Variants in MAGI1 observed in about 807,000 individuals in gnomAD.
MAGI1 encodes membrane-associated guanylate kinase, WW and PDZ domain-containing protein 1.
In MAGI1, 58 loss-of-function variants were observed where a neutral mutation model predicts 139.9. The ratio of observed to expected loss-of-function variants is 0.41; its 90% CI spans 0.34 to 0.52. MAGI1 has a LOEUF of 0.52. Among genes scored for constraint, MAGI1 ranks in the 20% least tolerant of loss-of-function variants. The probability of loss-of-function intolerance (pLI) is 0.12; values close to 1 mark genes in which losing one functional copy is unlikely to be tolerated. For missense variants in MAGI1, 1,874 were observed against 1,901.6 expected (o/e 0.99, Z 0.27); for synonymous variants, 812 against 737.9 (o/e 1.10, Z -1.63).
intron 2 of MAGI1, among the ~76,000 whole-genome samples, chr3:65,566,726 G>A (rs960562665): frequency 6.6e-6 from 1 of 152,134 alleles, no homozygotes; most frequent in Non-Finnish European, 1.5e-5. Context: ...ATTTTTAAAT[G>A]TATTTTTAAA....
At chr3:65,394,162 AC>A (rs1015214988) in intron 13 of MAGI1, among the ~76,000 whole-genome samples, 186 of 152,316 alleles carry the variant, frequency 1.2e-3, no homozygotes, top group African/African-American at 4.3e-3. Context: ...CTTACATTTA[AC>A]TGAAGAGATG....
chr3:65,863,842 C>T (rs1269621161), intron 1 of MAGI1, among the ~76,000 whole-genome samples: 1 of 152,070 alleles, frequency 6.6e-6, no homozygotes, highest in Non-Finnish European at 1.5e-5. Context: ...TTTTCCTACC[C>T]CAATTCTACC....
Position 65,875,267 on chromosome 3 carries a change from G to C in MAGI1, c.313+162729C>G, listed in dbSNP as rs565402564. Among the ~76,000 whole-genome samples the C allele has an allele frequency of 8.5e-5, 13 of 152,284 alleles. No individual in the cohort carries two copies. The South Asian group carries it at 2.7e-3, about 32-fold the overall frequency. On this transcript the variant is annotated intron_variant, in intron 1 of 22. Transcript: ENST00000402939. ...AGGGGAGTGATACAGAAAAGGTAAAGGGTTTGTTGTTGAGATGATGAAAAT... is the reference window on the plus strand; with the variant it reads ...AGGGGAGTGATACAGAAAAGGTAAACGGTTTGTTGTTGAGATGATGAAAAT...
chr3:65,801,465 A>C (rs2040508347), intron 1 of MAGI1, among the ~76,000 whole-genome samples: 1 of 152,208 alleles, frequency 6.6e-6, no homozygotes, highest in African/African-American at 2.4e-5. Context: ...CCAAATTTAG[A>C]GATGAATAAC....
At chr3:65,874,523 G>A (rs1239906156) in intron 1 of MAGI1, 2 of 152,058 alleles carry the variant, frequency 1.3e-5, no homozygotes, top group Non-Finnish European at 2.9e-5. Context: ...TTAAGAGATG[G>A]GCAACATCAT....
intron 1 of MAGI1, among the ~76,000 whole-genome samples, chr3:65,933,389 G>C (rs540692522): frequency 1.3e-5 from 2 of 152,182 alleles, no homozygotes; most frequent in African/African-American, 2.4e-5. Flanking sequence ...TAATATGGCT[G>C]CTGATGAGAG....
chr3:65,902,485 G>A (rs2061271693), intron 1 of MAGI1: 1 of 152,550 alleles, frequency 6.6e-6, no homozygotes, highest in Admixed American at 6.5e-5. Flanking sequence ...CGTATGTAAA[G>A]TAAGCTCCTA....
At chr3:66,024,445 C>T (rs1559505057) in intron 1 of MAGI1, among the ~76,000 whole-genome samples, 1 of 151,990 alleles carries the variant, frequency 6.6e-6, no homozygotes, top group Non-Finnish European at 1.5e-5. Flanking sequence ...CAGCTTTTCC[C>T]ATTGAACAGA....
intron 12 of MAGI1, among the ~76,000 whole-genome samples, chr3:65,420,594 C>T (rs186356329): frequency 7.2e-5 from 11 of 152,196 alleles, no homozygotes; most frequent in Middle Eastern, 3.4e-3. Context: ...ATGACAGGCA[C>T]GTGATGTTAA....
At chr3:65,666,387 C>T (rs1391584214) in intron 1 of MAGI1, among the ~76,000 whole-genome samples, 1 of 152,124 alleles carries the variant, frequency 6.6e-6, no homozygotes, top group Non-Finnish European at 1.5e-5. Flanking sequence ...CCCCAGATGT[C>T]CAACAATCTT....
At chr3:65,450,713 C>T (rs1455953058) in intron 6 of MAGI1, among the ~76,000 whole-genome samples, 1 of 152,130 alleles carries the variant, frequency 6.6e-6, no homozygotes, top group African/African-American at 2.4e-5. Flanking sequence ...GAGTCATTCA[C>T]TAACATCAAA....
intron 1 of MAGI1, among the ~76,000 whole-genome samples, chr3:65,945,528 G>C (rs1053799099): frequency 2.1e-5 from 2 of 95,258 alleles, no homozygotes; most frequent in African/African-American, 5.5e-5. Context: ...GGTAGACAAG[G>C]GTGAAAAACT....
At chr3:65,697,233 T>C (rs570505993) in intron 1 of MAGI1, among the ~76,000 whole-genome samples, 57 of 152,140 alleles carry the variant, frequency 3.7e-4, no homozygotes, top group Non-Finnish European at 7.2e-4. Context: ...CAATAATCAA[T>C]AGTTTATCAA....
chr3:65,830,937 C>T (rs113097690), intron 1 of MAGI1, among the ~76,000 whole-genome samples: 268 of 152,284 alleles, frequency 1.8e-3, no homozygotes, highest in African/African-American at 6.2e-3. Context: ...AGAAAGGTTA[C>T]ACAGTATCTT....
At chr3:65,679,329 G>A (rs2087413924) in intron 1 of MAGI1, among the ~76,000 whole-genome samples, 2 of 152,152 alleles carry the variant, frequency 1.3e-5, no homozygotes, top group African/African-American at 4.8e-5. Context: ...GGTGATAAGA[G>A]CTATAGCTGA....
chr3:65,374,471 C>T (rs1331598614), intron 18 of MAGI1, among the ~76,000 whole-genome samples: 4 of 152,016 alleles, frequency 2.6e-5, no homozygotes, highest in African/African-American at 9.7e-5. Flanking sequence ...GCATGTGCCA[C>T]CACGCTAAGC....
chr3:65,838,714 T>G (rs2058710775), intron 1 of MAGI1, among the ~76,000 whole-genome samples: 1 of 152,232 alleles, frequency 6.6e-6, no homozygotes, highest in Non-Finnish European at 1.5e-5. Context: ...TGTGTGGACA[T>G]AAGTTTCCAT....
At chr3:65,890,423 G>GCA (rs1469085926) in intron 1 of MAGI1, among the ~76,000 whole-genome samples, 4 of 151,630 alleles carry the variant, frequency 2.6e-5, no homozygotes, top group Admixed American at 6.6e-5. Flanking sequence ...TCACACACAG[G>GCA]CACACACACA....
rs529918137 is a variant in MAGI1 at position 65,377,482 on chromosome 3, C to A, written c.2996-1537G>T. On this transcript the variant is annotated intron_variant, in intron 17 of 22. Transcript: ENST00000402939. ...AAAGACCAAATTGTGAGTGTGAATA[C>A]AATATTCATTATATAACACATAACC... Among the ~76,000 whole-genome samples, 25 of 152,304 alleles carry A rather than the reference C, an allele frequency of 1.6e-4. No homozygotes were observed. In the East Asian group the frequency reaches 4.4e-3, roughly 27 times the overall value.
Sources: gnomAD v4.1 joint callset for allele counts (sites outside exome capture counted in the v4.1 genomes callset) on GRCh38, gnomAD v4.1.1 for gene constraint, MANE v1.5 for transcripts, NCBI Gene and HGNC (gene_info 2026-07-23, HGNC 2026-07-21) for gene names.